Variants in CMTR1 observed in about 807,000 individuals in gnomAD.
The protein encoded by CMTR1 is cap-specific mRNA (nucleoside-2'-O-)-methyltransferase 1.
A neutral mutation model predicts 107.0 loss-of-function variants in CMTR1; 39 were observed. That is an observed-to-expected ratio of 0.36 (90% CI 0.28 to 0.48). CMTR1 has a LOEUF of 0.48. CMTR1 is among the 20% of genes least tolerant of loss of function. CMTR1 has a pLI of 0.99. For synonymous variants in CMTR1, 366 were observed against 379.5 expected (o/e 0.96, Z 0.41); for missense variants, 672 against 1,064.9 (o/e 0.63, Z 5.14).
At chr6:37,445,207 G>T (rs887291768) in intron 3 of CMTR1, among the ~76,000 whole-genome samples, 4 of 152,302 alleles carry the variant, frequency 2.6e-5, no homozygotes, top group Admixed American at 2.6e-4. Context: ...TGACCTGGGA[G>T]AAGTATTTGT....
At chr6:37,434,864 T>C (rs1480683230) in intron 1 of CMTR1, among the ~76,000 whole-genome samples, 2 of 152,144 alleles carry the variant, frequency 1.3e-5, no homozygotes, top group Non-Finnish European at 2.9e-5. Context: ...CGCCCACCTC[T>C]TTCTCCCAAA....
chr6:37,429,500 G>A (rs1419605654), upstream of CMTR1, among the ~76,000 whole-genome samples: 2 of 152,170 alleles, frequency 1.3e-5, no homozygotes, highest in African/African-American at 4.8e-5. Context: ...AAGTTTCAGA[G>A]AGCTTTACCT....
At chr6:37,469,270 G>C (rs1336479092) in intron 13 of CMTR1, among the ~76,000 whole-genome samples, 1 of 152,030 alleles carries the variant, frequency 6.6e-6, no homozygotes, top group Non-Finnish European at 1.5e-5. Context: ...ATGGTTCTCT[G>C]CTTCCCTTGT....
intron 16 of CMTR1, 150 bp from the exon 17 acceptor site, chr6:37,473,320 G>A: frequency 1.3e-6 from 1 of 773,176 alleles, no homozygotes; most frequent in Non-Finnish European, 2.1e-6. Context: ...TTAGTGCACA[G>A]TTAGGTAGAG....
At chr6:37,441,355 C>G (rs1282554822) in intron 2 of CMTR1, among the ~76,000 whole-genome samples, 1 of 152,120 alleles carries the variant, frequency 6.6e-6, no homozygotes, top group African/African-American at 2.4e-5. Flanking sequence ...AGGAACCAAC[C>G]TCTTCCCAAG....
intron 2 of CMTR1, among the ~76,000 whole-genome samples, chr6:37,439,769 G>A (rs527348964): frequency 2.0e-5 from 3 of 152,298 alleles, no homozygotes; most frequent in East Asian, 3.9e-4. Context: ...GGTTGGAGCT[G>A]CCCCTCTTTG....
At position 37,465,752 on chromosome 6, in the gene CMTR1, C is replaced by T. The variant is rs1384882490; in HGVS notation, c.1505+2744C>T. Among the ~76,000 whole-genome samples the T allele has an allele frequency of 3.3e-5, 5 of 152,108 alleles. No homozygotes were observed. The South Asian group carries it at 8.3e-4, about 25-fold the overall frequency. ...TCAGGTGATCTGCCCACCTAGGCCTCCCAAAGTACTGGGATTTCAGGCATG... is the reference window on the plus strand; with the variant it reads ...TCAGGTGATCTGCCCACCTAGGCCTTCCAAAGTACTGGGATTTCAGGCATG... On this transcript the variant is annotated intron_variant, in intron 13 of 23. Coordinates refer to ENST00000373451, the MANE Select transcript of CMTR1 (RefSeq NM_015050.3).
At chr6:37,459,322 T>C (rs1275921330) in intron 9 of CMTR1, among the ~76,000 whole-genome samples, 2 of 152,234 alleles carry the variant, frequency 1.3e-5, no homozygotes, top group Non-Finnish European at 2.9e-5. Flanking sequence ...TAAACACAAC[T>C]TGGGTCTTAA....
intron 4 of CMTR1, among the ~76,000 whole-genome samples, chr6:37,449,935 G>A (rs1771895915): frequency 6.6e-6 from 1 of 152,192 alleles, no homozygotes; most frequent in African/African-American, 2.4e-5. Context: ...CAAGGGCCAT[G>A]TCTTATTTAA....
intron 13 of CMTR1, among the ~76,000 whole-genome samples, chr6:37,463,915 G>A (rs1339785249): frequency 1.3e-5 from 2 of 152,154 alleles, no homozygotes; most frequent in Non-Finnish European, 2.9e-5. Context: ...CAGGCCCAGC[G>A]ACCCGCCTGG....
chr6:37,465,926 AG>A (rs2113884873), intron 13 of CMTR1, among the ~76,000 whole-genome samples: 1 of 11,802 alleles, frequency 8.5e-5, no homozygotes, highest in South Asian at 5.8e-3. Flanking sequence ...GTGATTCTGT[AG>A]GTTTTTTTTT....
Position 37,453,218 on chromosome 6 carries a change from T to A in CMTR1, c.705-22T>A, listed in dbSNP as rs554274616. 28 of 1,613,980 alleles carry A rather than the reference T, an allele frequency of 1.7e-5. No individual in the cohort carries two copies. In the East Asian group the frequency reaches 5.3e-4, roughly 31 times the overall value. On this transcript the variant is annotated intron_variant, in intron 7 of 23. Transcript: ENST00000373451. ...AATTGAGCCTAGTACATCTAGTACT[T>A]TTCTGTCTTGCTTTATTGCAGGGCA...
At chr6:37,436,019 G>A (rs1192684427) in intron 2 of CMTR1, among the ~76,000 whole-genome samples, 1 of 152,180 alleles carries the variant, frequency 6.6e-6, no homozygotes, top group African/African-American at 2.4e-5. Flanking sequence ...TCAGTAGGTG[G>A]CACTCTTGCT....
the CMTR1 span, among the ~76,000 whole-genome samples, chr6:37,427,048 A>G: frequency 1.3e-5 from 2 of 152,158 alleles, no homozygotes; most frequent in East Asian, 3.9e-4. The surrounding 1 kb of genome is among the most constrained non-coding windows in gnomAD (Gnocchi z 4.4). Flanking sequence ...GGCTCCCACA[A>G]GCTGTTTGTA....
In CMTR1 at chr6:37,458,634, A is replaced by C; in HGVS notation, c.800A>C (p.Glu267Ala). 6.2e-7 allele frequency: 1 copy of C among 1,613,530 alleles called. No homozygotes were observed. The highest frequency in any genetic ancestry group is 1.8e-4 in the Middle Eastern group (1 of 5,592). Residue 267 changes from glutamate to alanine, a missense_variant, in exon 9 of 24, where the codon GAA (glutamate) becomes GCA (alanine). Around this residue, in one of 2 missense-constraint regions of CMTR1, gnomAD observed 583 missense variants for 968.4 expected, o/e 0.60. Transcript: ENST00000373451. The surrounding 1 kb of genome is among the most constrained non-coding windows in gnomAD (Gnocchi z 4.7). ...SYGKPLVKDR[E>A]AELLYFADVC... ...CAGAAGCCACTGGTGAAGGACCGGG[A>C]AGCTGAGCTTCTGTACTTTGCTGAT...
chr6:37,463,088 C>G, intron 13 of CMTR1, 80 bp downstream of exon 13: 1 of 1,395,462 alleles, frequency 7.2e-7, no homozygotes, highest in South Asian at 1.2e-5. Context: ...ATGGTTGGCT[C>G]TTGGTATCAC....
intron 6 of CMTR1, 124 bp downstream of exon 6, chr6:37,452,001 T>A: frequency 1.4e-6 from 1 of 713,398 alleles, no homozygotes; most frequent in East Asian, 2.7e-5. Flanking sequence ...GGAGATCAGA[T>A]GCATAGCTTG....
At position 37,453,081 on chromosome 6, in the gene CMTR1, G is replaced by A. The variant is rs1196126635; in HGVS notation, c.644G>A (p.Arg215Gln). 5.0e-6 allele frequency: 8 copies of A among 1,613,990 alleles called. No homozygotes were observed. Among genetic ancestry groups the A allele is most frequent in the African/African-American group, 2.7e-5 (2 of 74,908 alleles). The change falls in exon 7 of 24, where the codon CGG becomes CAG. Residue 215 changes from arginine to glutamine, a missense_variant. Physicochemically the swap from Arg to Gln is conservative, Grantham distance 43. Around this residue, in one of 2 missense-constraint regions of CMTR1, gnomAD observed 583 missense variants for 968.4 expected, o/e 0.60. Coordinates refer to ENST00000373451, the MANE Select transcript of CMTR1 (RefSeq NM_015050.3). ...VFDVLDGEEM[R>Q]RARTRANPYE... Reference sequence around the variant, plus strand: ...GATGTCTTGGATGGGGAAGAGATGCGGCGAGCTCGGACTCGGGCCAATCCC... The same window carrying A: ...GATGTCTTGGATGGGGAAGAGATGCAGCGAGCTCGGACTCGGGCCAATCCC...
rs1761848759 is a variant in CMTR1 at position 37,481,189 on chromosome 6, AGAGAG to A, written c.*1048_*1052del. Reference sequence around the variant, plus strand: ...TTTCCTTTATCTTGGCCGACAACACAGAGAGGAGGGGGAGCTGGGCAGTAGCTTGG... The same window carrying A: ...TTTCCTTTATCTTGGCCGACAACACAGAGGGGGAGCTGGGCAGTAGCTTGG... On this transcript the variant is annotated 3_prime_UTR_variant, in exon 24 of 24. Coordinates refer to ENST00000373451, the MANE Select transcript of CMTR1 (RefSeq NM_015050.3). 8.4e-7 allele frequency: 1 copy of A among 1,194,426 alleles called. No individual in the cohort carries two copies. The highest frequency in any genetic ancestry group is 1.1e-6 in the Non-Finnish European group (1 of 890,640). The allele number at this position is 1,194,426 out of a possible 1,614,324, so 74.0% of individuals were successfully genotyped here.
Sources: gnomAD v4.1 joint callset for allele counts (sites outside exome capture counted in the v4.1 genomes callset) on GRCh38, gnomAD v4.1.1 for gene constraint, gnomAD v4.1.1 regional missense constraint, Gnocchi (gnomAD v3.1) non-coding constraint, MANE v1.5 for transcripts, NCBI Gene and HGNC (gene_info 2026-07-23, HGNC 2026-07-21) for gene names.